Variants in NUBPL observed in about 807,000 individuals in gnomAD.
NUBPL encodes iron-sulfur cluster transfer protein NUBPL.
Under a neutral mutation model 45.7 loss-of-function variants are expected in NUBPL, and 31 were observed. That is an observed-to-expected ratio of 0.68 (90% confidence interval 0.51 to 0.92). The LOEUF is 0.92. Ranked by LOEUF, NUBPL falls within the 40% of genes least tolerant of loss-of-function variation. The pLI is 0.00. For synonymous variants in NUBPL, 144 were observed against 140.9 expected (o/e 1.02, Z -0.15); for missense variants, 401 against 398.7 (o/e 1.01, Z -0.05).
chr14:31,768,233 A>G (rs1338177482), intron 6 of NUBPL, among the ~76,000 whole-genome samples: 1 of 152,224 alleles, frequency 6.6e-6, no homozygotes, highest in Non-Finnish European at 1.5e-5. Context: ...GGGCAAAGAA[A>G]ATATTCTCAT....
chr14:31,700,870 A>G (rs1326158019), intron 6 of NUBPL, among the ~76,000 whole-genome samples: 1 of 151,034 alleles, frequency 6.6e-6, no homozygotes, highest in Non-Finnish European at 1.5e-5. Flanking sequence ...AGCCTCCCCG[A>G]CGGGTGCTGC....
chr14:31,631,866 C>T (rs1324389223), intron 4 of NUBPL, among the ~76,000 whole-genome samples: 1 of 151,904 alleles, frequency 6.6e-6, no homozygotes, highest in Non-Finnish European at 1.5e-5. Context: ...ATGTTAATCT[C>T]ATCCAGAAAC....
At chr14:31,855,149 G>C (rs535550486) in intron 10 of NUBPL, among the ~76,000 whole-genome samples, 1 of 152,240 alleles carries the variant, frequency 6.6e-6, no homozygotes, top group African/African-American at 2.4e-5. Flanking sequence ...TCTTGCTTTA[G>C]TGAACTTTAA....
intron 6 of NUBPL, among the ~76,000 whole-genome samples, chr14:31,698,168 G>C (rs115234030): frequency 2.0e-5 from 3 of 152,074 alleles, no homozygotes; most frequent in Non-Finnish European, 4.4e-5. Flanking sequence ...CATTGTGTCA[G>C]TTTAATATTT....
rs2038585945 is a variant in NUBPL, at chr14:31,753,767, C to T, written c.514-34013C>T. 2.0e-5 allele frequency among the ~76,000 whole-genome samples: 3 copies of T among 152,246 alleles called. No individual in the cohort carries two copies. In the South Asian group the frequency reaches 6.2e-4, roughly 32 times the overall value. ...CTGTGACAACTGTGGGGCTGCCATC[C>T]TGAGTTTCTGTGCTTCACAGGGTTT... On this transcript the variant is annotated intron_variant, in intron 6 of 10. Transcript: ENST00000281081.
intron 4 of NUBPL, among the ~76,000 whole-genome samples, chr14:31,632,806 T>C (rs1397294634): frequency 6.6e-6 from 1 of 152,202 alleles, no homozygotes; most frequent in Non-Finnish European, 1.5e-5. Context: ...ATTTAGATAC[T>C]CCATAATCCA....
intron 7 of NUBPL, among the ~76,000 whole-genome samples, chr14:31,815,509 T>C (rs2039897421): frequency 6.6e-6 from 1 of 152,196 alleles, no homozygotes; most frequent in Non-Finnish European, 1.5e-5. Flanking sequence ...CCTGTCTTCC[T>C]ATTTGAATAC....
chr14:31,578,431 T>C (rs2033773971), intron 3 of NUBPL, among the ~76,000 whole-genome samples: 1 of 152,226 alleles, frequency 6.6e-6, no homozygotes, highest in Non-Finnish European at 1.5e-5. Flanking sequence ...CCTGTTTCTT[T>C]CTGGTCAGGA....
intron 4 of NUBPL, among the ~76,000 whole-genome samples, chr14:31,628,156 G>A (rs896264779): frequency 3.9e-5 from 6 of 152,282 alleles, no homozygotes; most frequent in African/African-American, 1.4e-4. Flanking sequence ...AATAAGTGTG[G>A]ATTTTCTCCT....
At chr14:31,851,615 C>CT (rs2040539748) in intron 10 of NUBPL, among the ~76,000 whole-genome samples, 1 of 152,116 alleles carries the variant, frequency 6.6e-6, no homozygotes, top group Non-Finnish European at 1.5e-5. Flanking sequence ...CCTTTTCAGT[C>CT]TTTCTCAACA....
At chr14:31,709,679 T>C (rs770513956) in intron 6 of NUBPL, among the ~76,000 whole-genome samples, 3 of 152,174 alleles carry the variant, frequency 2.0e-5, no homozygotes, top group Non-Finnish European at 2.9e-5. Context: ...ATCTGAAAAA[T>C]TCCCCAGGTC....
chr14:31,711,704 C>G (rs1049197390), intron 6 of NUBPL, among the ~76,000 whole-genome samples: 2 of 152,050 alleles, frequency 1.3e-5, no homozygotes, highest in Admixed American at 1.3e-4. Flanking sequence ...GGTTTTTGGT[C>G]TTGCTGACTT....
chr14:31,806,022 ACT>A, intron 7 of NUBPL, among the ~76,000 whole-genome samples: 1 of 152,192 alleles, frequency 6.6e-6, no homozygotes, highest in Non-Finnish European at 1.5e-5. Flanking sequence ...TCAGGTTCTT[ACT>A]AAAAACCACT....
chr14:31,841,917 CTTTTTTTTTTTTTTT>C (rs547795007), intron 8 of NUBPL, among the ~76,000 whole-genome samples: 3 of 43,050 alleles, frequency 7.0e-5, no homozygotes, highest in African/African-American at 1.8e-4. Flanking sequence ...CGATTCTGGG[CTTTTTTTTTTTTTTT>C]TTTTTTTTTT....
chr14:31,700,261 A>C (rs956875789), intron 6 of NUBPL, among the ~76,000 whole-genome samples: 1 of 152,248 alleles, frequency 6.6e-6, no homozygotes, highest in Admixed American at 6.5e-5. Flanking sequence ...ATTAAAACCC[A>C]ACAGCTCTTT....
At chr14:31,760,895 G>C (rs74775617) in intron 6 of NUBPL, among the ~76,000 whole-genome samples, 2,450 of 152,110 alleles carry the variant, frequency 0.016, 80 homozygotes, top group African/African-American at 0.055. Context: ...CTGGAGTGCA[G>C]TGGTGTAGTT....
intron 6 of NUBPL, among the ~76,000 whole-genome samples, chr14:31,715,670 A>C (rs551307014): frequency 6.6e-6 from 1 of 152,324 alleles, no homozygotes; most frequent in South Asian, 2.1e-4. Flanking sequence ...CTTACCATGC[A>C]TGGAGCTTGC....
intron 4 of NUBPL, among the ~76,000 whole-genome samples, chr14:31,640,465 A>G (rs116344443): frequency 0.047 from 7,178 of 151,898 alleles, 215 homozygotes; most frequent in Admixed American, 0.066. Context: ...TAAAAATACA[A>G]AAATTAGGGC....
intron 4 of NUBPL, among the ~76,000 whole-genome samples, chr14:31,622,417 T>C (rs764935144): frequency 5.3e-5 from 8 of 151,982 alleles, no homozygotes; most frequent in Admixed American, 1.3e-4. Flanking sequence ...GCGCAAGTAA[T>C]GAGGAGCGAA....
Sources: allele counts gnomAD v4.1 joint callset (sites outside exome capture counted in the v4.1 genomes callset), GRCh38; gene constraint gnomAD v4.1.1; transcripts MANE v1.5; gene names NCBI Gene and HGNC (gene_info 2026-07-23, HGNC 2026-07-21).